Variants in NUP88 observed in about 807,000 individuals in gnomAD.
NUP88 encodes nucleoporin 88, also known as nuclear pore complex protein Nup88.
Under a neutral mutation model 93.9 loss-of-function variants are expected in NUP88, and 57 were observed. The observed-to-expected ratio is 0.61, with a 90% confidence interval of 0.49 to 0.76. NUP88 has a LOEUF of 0.76. Among genes scored for constraint, NUP88 ranks in the 30% least tolerant of loss-of-function variants. The pLI, the probability that NUP88 is intolerant of heterozygous loss-of-function variation, is 0.00. For synonymous variants in NUP88, 346 were observed against 336.8 expected, an observed-to-expected ratio of 1.03 and a Z score of -0.30; for missense variants, 911 against 901.0, an observed-to-expected ratio of 1.01 and a Z score of -0.14.
intron 5 of NUP88, among the ~76,000 whole-genome samples, chr17:5,407,337 C>G (rs1913557718): frequency 6.6e-6 from 1 of 152,212 alleles, no homozygotes; most frequent in Non-Finnish European, 1.5e-5. Flanking sequence ...TCCTGAAGAA[C>G]CCGGTGATGC....
At chr17:5,395,164 G>T (rs1912694527) in intron 8 of NUP88, among the ~76,000 whole-genome samples, 183 bp from the exon 9 acceptor site, 1 of 152,126 alleles carries the variant, frequency 6.6e-6, no homozygotes, top group Non-Finnish European at 1.5e-5. Context: ...CCAAGAAGTA[G>T]GATTTTCCTT....
At position 5,410,777 on chromosome 17, in the gene NUP88, TAGTG is replaced by T; in HGVS notation, c.602_605del (p.Ser201TyrfsTer10). ...CGTTAGTGGGTGTCTGCGGCTCACGTAGTGAGTAAATTCTAGCAACCAAAAGAGA... is the reference window on the plus strand; with the variant it reads ...CGTTAGTGGGTGTCTGCGGCTCACGTAGTAAATTCTAGCAACCAAAAGAGA... On this transcript the variant is annotated frameshift_variant, in exon 4 of 17. Transcript: ENST00000573584. LOFTEE classifies it high-confidence loss of function. 1 of 1,609,582 alleles carries T rather than the reference TAGTG, an allele frequency of 6.2e-7. No individual in the cohort carries two copies. The highest frequency in any genetic ancestry group is 8.5e-7 in the Non-Finnish European group (1 of 1,177,296).
Position 5,400,037 on chromosome 17 carries a change from A to G in NUP88, c.1193-387T>C, listed in dbSNP as rs796606239. ...CAAAAAATATGTACATACCTTAACC[A>G]TTTTTTATTGCTAAAAAATGCTGAC... is the stretch of plus-strand genomic sequence containing the variant. On this transcript the variant is annotated intron_variant, in intron 7 of 16. Transcript: ENST00000573584. Among the ~76,000 whole-genome samples the G allele has an allele frequency of 2.1e-5, 3 of 144,782 alleles. No individual in the cohort carries two copies. The South Asian group carries it at 7.1e-4, about 34-fold the overall frequency. The allele number at this position is 144,782 out of a possible 152,430, so 95.0% of individuals were successfully genotyped here.
chr17:5,405,266 T>C, intron 5 of NUP88, 23 bp from the exon 6 acceptor site: 1 of 1,603,232 alleles, frequency 6.2e-7, no homozygotes, highest in South Asian at 1.1e-5. Flanking sequence ...TAAAAACATA[T>C]TTGGGAAATG....
intron 5 of NUP88, among the ~76,000 whole-genome samples, chr17:5,406,581 A>G (rs1319232834): frequency 3.2e-5 from 4 of 124,714 alleles, no homozygotes; most frequent in South Asian, 5.9e-4. Context: ...TGGGGAAACT[A>G]TTTAAGAAAA....
chr17:5,416,500 GT>G lies in NUP88; in HGVS notation c.467+12del, dbSNP rs1914159447. ...ATATAATAAATTATACAGATAAATA[GT>G]ATACAACTTACCTACAATTCACTGT... On this transcript the variant is annotated intron_variant, in intron 2 of 16. Transcript: ENST00000573584. The G allele has an allele frequency of 6.3e-7, 1 of 1,577,162 alleles. No homozygotes were observed. The highest frequency in any genetic ancestry group is 1.4e-5 in the African/African-American group (1 of 73,564).
chr17:5,387,895 T>C lies in NUP88; in HGVS notation c.1653A>G (p.Glu551=). The change falls in exon 12 of 17, where the codon GAA becomes GAG. Residue 551 remains glutamate (E), a synonymous_variant. Coordinates refer to ENST00000573584, the MANE Select transcript of NUP88 (RefSeq NM_002532.6). ...CTTCAGGAGGAGGGGCTATGTCCTT[T>C]TCAGAAGCTCTTAAAAACAAAGTTT... ...VANPAFLKAS[E]KDIAPPPEEC... The C allele has an allele frequency of 6.2e-7, 1 of 1,612,720 alleles. No homozygotes were observed. Among genetic ancestry groups the C allele is most frequent in the South Asian group, 1.1e-5 (1 of 90,730 alleles).
chr17:5,397,494 GAA>G (rs1181421908), intron 8 of NUP88, among the ~76,000 whole-genome samples: 24 of 152,120 alleles, frequency 1.6e-4, no homozygotes, highest in Non-Finnish European at 1.6e-4. Flanking sequence ...GAAGATAGAG[GAA>G]GAGACTACAA....
At chr17:5,399,711 C>CTTTGTAAAAAGAAAAATAAAATA in intron 7 of NUP88, 61 bp from the exon 8 acceptor site, 1 of 879,788 alleles carries the variant, frequency 1.1e-6, no homozygotes, top group Non-Finnish European at 1.8e-6. Context: ...AAATTTACCT[C>CTTTGTAAAAAGAAAAATAAAATA]AAATTTGTTG....
At chr17:5,407,605 C>T (rs1190441271) in intron 5 of NUP88, among the ~76,000 whole-genome samples, 1 of 152,154 alleles carries the variant, frequency 6.6e-6, no homozygotes, top group East Asian at 1.9e-4. Context: ...GATTCTCATA[C>T]CTCTATTTTA....
At chr17:5,407,252 A>AAGTTCAAGCTT (rs1209759954) in intron 5 of NUP88, among the ~76,000 whole-genome samples, 1 of 152,160 alleles carries the variant, frequency 6.6e-6, no homozygotes, top group African/African-American at 2.4e-5. Flanking sequence ...TGAATCCTTC[A>AAGTTCAAGCTT]AGTTCAAGCT....
intron 10 of NUP88, among the ~76,000 whole-genome samples, chr17:5,389,606 T>C (rs867990639): frequency 7.4e-5 from 11 of 148,238 alleles, no homozygotes; most frequent in Middle Eastern, 3.6e-3. Context: ...GGTAAAACTG[T>C]CTCTACTAAA....
chr17:5,388,018 T>G, intron 11 of NUP88, 114 bp from the exon 12 acceptor site: 7 of 1,097,102 alleles, frequency 6.4e-6, no homozygotes, highest in Non-Finnish European at 8.8e-6. Flanking sequence ...TTTATTTATT[T>G]GAGATGCAGT....
At chr17:5,400,476 A>G (rs559313842) in intron 7 of NUP88, among the ~76,000 whole-genome samples, 45 of 144,012 alleles carry the variant, frequency 3.1e-4, no homozygotes, top group African/African-American at 1.1e-3. Context: ...AGCGTGGGCG[A>G]GAGTGAAACT....
At chr17:5,393,770 A>G (rs1166189189) in intron 9 of NUP88, among the ~76,000 whole-genome samples, 1 of 152,158 alleles carries the variant, frequency 6.6e-6, no homozygotes, top group Non-Finnish European at 1.5e-5. Flanking sequence ...ACAGTTTGCT[A>G]TCCTTCTCAT....
intron 8 of NUP88, among the ~76,000 whole-genome samples, chr17:5,395,855 C>G (rs1375845757): frequency 2.6e-5 from 4 of 152,128 alleles, no homozygotes; most frequent in Non-Finnish European, 5.9e-5. Context: ...CAGTACCATA[C>G]AAGTCATCCA....
Position 5,391,612 on chromosome 17 carries a change from G to C in NUP88, c.1433C>G (p.Pro478Arg), listed in dbSNP as rs1567566303. Residue 478 changes from proline to arginine, a missense_variant, in exon 10 of 17, where the codon CCC becomes CGC. Physicochemically the swap from Pro to Arg is moderately radical, Grantham distance 103. Coordinates refer to ENST00000573584, the MANE Select transcript of NUP88 (RefSeq NM_002532.6). The stretch of plus-strand genomic sequence containing the variant: ...GGTACTGGTGATGCAGATCATCGTG[G>C]GTCCCAGAATGTCAGGTACAATCCA... ...GFWIVPDILG[P>R]TMICITSTYE... The C allele has an allele frequency of 6.2e-7, 1 of 1,614,096 alleles. No individual in the cohort carries two copies. The highest frequency in any genetic ancestry group is 8.5e-7 in the Non-Finnish European group (1 of 1,179,978).
chr17:5,416,932 C>G (rs1330029747), intron 1 of NUP88, among the ~76,000 whole-genome samples: 5 of 151,882 alleles, frequency 3.3e-5, no homozygotes, highest in African/African-American at 1.2e-4. Flanking sequence ...AGTGTCCTCC[C>G]CACCTCAGCT....
At chr17:5,396,355 A>T (rs1042174742) in intron 8 of NUP88, among the ~76,000 whole-genome samples, 1 of 152,190 alleles carries the variant, frequency 6.6e-6, no homozygotes, top group African/African-American at 2.4e-5. Flanking sequence ...GTCTCTGTAC[A>T]TTTGTCTATT....
Sources: gnomAD v4.1 joint callset for allele counts (sites outside exome capture counted in the v4.1 genomes callset) on GRCh38, gnomAD v4.1.1 for gene constraint, MANE v1.5 for transcripts, NCBI Gene and HGNC (gene_info 2026-07-23, HGNC 2026-07-21) for gene names.